Variants in GTPBP2 observed in about 807,000 individuals in gnomAD.
GTPBP2 encodes GTP-binding protein 2.
In GTPBP2, 32 loss-of-function variants were observed where a neutral mutation model predicts 63.0. The observed-to-expected ratio is 0.51, with a 90% CI of 0.38 to 0.68. The LOEUF (loss-of-function observed/expected upper bound fraction) is 0.68, where lower values mean the gene tolerates loss of function less well. Among genes scored for constraint, GTPBP2 ranks in the 30% least tolerant of loss-of-function variants. GTPBP2 has a pLI of 0.00. For missense variants in GTPBP2, 492 were observed against 796.9 expected (o/e 0.62, Z 4.61); for synonymous variants, 310 against 322.6 (o/e 0.96, Z 0.42).
At position 43,629,133 on chromosome 6, in the gene GTPBP2, G is replaced by T; in HGVS notation, c.30C>A (p.Gly10=). 5.7e-6 allele frequency: 8 copies of T among 1,396,230 alleles called. No individual in the cohort carries two copies. Among genetic ancestry groups the T allele is most frequent in the South Asian group, 1.3e-5 (1 of 79,034 alleles). The allele number at this position is 1,396,230 out of a possible 1,614,324, so 86.5% of individuals were successfully genotyped here. A position where few individuals can be genotyped will look rare whatever the true frequency, so the allele number is the denominator to read the frequency against. The change falls in exon 1 of 12, where the codon GGC becomes GGA. Residue 10 remains glycine (G), a synonymous_variant. Transcript: ENST00000307126. ...GGCCCCCTCCGGGCCGGCAGCAGCCGCCGAACAGCTCCGATACCCGCGAGT... is the reference window on the plus strand; with the variant it reads ...GGCCCCCTCCGGGCCGGCAGCAGCCTCCGAACAGCTCCGATACCCGCGAGT... MDSRVSELF[G]GCCRPGGGPA...
In GTPBP2 at chr6:43,622,183, C is replaced by A; in HGVS notation, c.1468-16G>T. 1 of 1,601,542 alleles carries A rather than the reference C, an allele frequency of 6.2e-7. No homozygotes were observed. Among genetic ancestry groups the A allele is most frequent in the South Asian group, 1.1e-5 (1 of 90,660 alleles). ...TCACCATGCCCTGGGGAGGAACAGACCCCAGGCCCAGGAAGGGCAGCTCTA... is the reference window on the plus strand; with the variant it reads ...TCACCATGCCCTGGGGAGGAACAGAACCCAGGCCCAGGAAGGGCAGCTCTA... On this transcript the variant is annotated splice_polypyrimidine_tract_variant and intron_variant, in intron 10 of 11. Transcript: ENST00000307126. The surrounding 1 kb of genome is among the most constrained non-coding windows in gnomAD (Gnocchi z 5.4).
In GTPBP2 at chr6:43,621,323, C is replaced by G. The variant is rs1036339374; in HGVS notation, c.*291G>C. 3.0e-6 allele frequency: 3 copies of G among 986,464 alleles called. No individual in the cohort carries two copies. In the Admixed American group the frequency reaches 6.5e-5, roughly 21 times the overall value. The allele number at this position is 986,464 out of a possible 1,614,324, so 61.1% of individuals were successfully genotyped here. Reference sequence around the variant, plus strand: ...GGGGACGAAGAATTGATGAGTGGATCCAGTCAGCTCCGGCAGACAGGCCAC... The same window carrying G: ...GGGGACGAAGAATTGATGAGTGGATGCAGTCAGCTCCGGCAGACAGGCCAC... On this transcript the variant is annotated 3_prime_UTR_variant, in exon 12 of 12. Coordinates refer to ENST00000307126, the MANE Select transcript of GTPBP2 (RefSeq NM_019096.5).
intron 1 of GTPBP2, chr6:43,628,492 GT>G: frequency 4.8e-6 from 4 of 834,616 alleles, no homozygotes; most frequent in Non-Finnish European, 4.3e-6. Context: ...GTGTGTGTGT[GT>G]GTGTGTGTGT....
Position 43,624,700 on chromosome 6 carries a change from C to A in GTPBP2, c.910G>T (p.Ala304Ser), listed in dbSNP as rs1769151407. 1 of 1,613,882 alleles carries A rather than the reference C, an allele frequency of 6.2e-7. No homozygotes were observed. Among genetic ancestry groups the A allele is most frequent in the South Asian group, 1.1e-5 (1 of 91,076 alleles). ...AAGAAGGGCACTTTCAGGGCCAGGG[C>A]CAGCCCCAGATGTTCCCTTGTGGTG... ...AGTTREHLGL[A>S]LALKVPFFIV... Residue 304 changes from alanine to serine, a missense_variant, in exon 7 of 12, where the codon GCC becomes TCC. Ala to Ser is a moderately conservative substitution (Grantham distance 99). Transcript: ENST00000307126. The surrounding 1 kb of genome is among the most constrained non-coding windows in gnomAD (Gnocchi z 5.1).
At position 43,620,528 on chromosome 6, in the gene GTPBP2, T is replaced by C; in HGVS notation, c.*1086A>G. ...ACATTTTTATTCTGTACAATATATATGTGTATTTAAATATATATACATATG... is the reference window on the plus strand; with the variant it reads ...ACATTTTTATTCTGTACAATATATACGTGTATTTAAATATATATACATATG... On this transcript the variant is annotated 3_prime_UTR_variant, in exon 12 of 12. Coordinates refer to ENST00000307126, the MANE Select transcript of GTPBP2 (RefSeq NM_019096.5). 4.7e-6 allele frequency: 1 copy of C among 212,790 alleles called. No individual in the cohort carries two copies. Among genetic ancestry groups the C allele is most frequent in the Non-Finnish European group, 9.6e-6 (1 of 104,606 alleles). 13.2% of individuals were successfully genotyped at this position (212,790 alleles called of 1,614,324 possible).
In GTPBP2 at chr6:43,621,629, G is replaced by A; in HGVS notation, c.1794C>T (p.Ala598=). Residue 598 remains alanine, a synonymous_variant, in exon 12 of 12, where the codon GCC becomes GCT. Transcript: ENST00000307126. The stretch of plus-strand genomic sequence containing the variant: ...CCTGAAGGGTTCAGAAGCCCATGTT[G>A]GCCTGGGCTTCTCCTGCTGTAATGG... The part of the protein sequence containing the change: ...VQAITAGEAQ[A]NMGF 1 of 1,613,934 alleles carries A rather than the reference G, an allele frequency of 6.2e-7. No individual in the cohort carries two copies. The highest frequency in any genetic ancestry group is 1.7e-5 in the Admixed American group (1 of 60,024).
chr6:43,621,937 G>T, intron 11 of GTPBP2, 66 bp downstream of exon 11: 1 of 1,601,082 alleles, frequency 6.2e-7, no homozygotes, highest in Non-Finnish European at 8.6e-7. Flanking sequence ...GGAGTTCTCT[G>T]CCAGTCTGGG....
At position 43,626,239 on chromosome 6, in the gene GTPBP2, G is replaced by A. The variant is rs1338859474; in HGVS notation, c.385C>T (p.Arg129Trp). The part of the protein sequence containing the change: ...EMRASLKTLH[R>W]MAEKVGADIT... ...GGGGAAGCATACTTCTCTGCCATCC[G>A]GTGCAGGGTCTTGAGCGAAGCTCGC... is the stretch of plus-strand genomic sequence containing the variant. Residue 129 changes from arginine (R) to tryptophan (W), a missense_variant, in exon 3 of 12, where the codon CGG becomes TGG. Transcript: ENST00000307126. This position sits in a 1 kb window ranked among gnomAD's most constrained non-coding sequence, Gnocchi z 4.0. 10 of 1,613,984 alleles carry A rather than the reference G, an allele frequency of 6.2e-6. No individual in the cohort carries two copies. The highest frequency in any genetic ancestry group is 1.7e-4 in the Middle Eastern group (1 of 6,012).
At chr6:43,628,393 T>C (rs547279654) in intron 1 of GTPBP2, 3 of 178,854 alleles carry the variant, frequency 1.7e-5, no homozygotes, top group African/African-American at 7.2e-5. Flanking sequence ...AATAAAAAAA[T>C]AAAATTGGCC....
chr6:43,621,052 G>T lies in GTPBP2; in HGVS notation c.*562C>A, dbSNP rs950201642. ...GATAAAGCTGAGGAAGAGGCCTCAGGCCTCAGCACAGGGTGGCAACACTAC... is the reference window on the plus strand; with the variant it reads ...GATAAAGCTGAGGAAGAGGCCTCAGTCCTCAGCACAGGGTGGCAACACTAC... On this transcript the variant is annotated 3_prime_UTR_variant, in exon 12 of 12. Transcript: ENST00000307126. 3 of 227,842 alleles carry T rather than the reference G, an allele frequency of 1.3e-5. No individual in the cohort carries two copies. Among genetic ancestry groups the T allele is most frequent in the Non-Finnish European group, 2.7e-5 (3 of 111,830 alleles). The allele number at this position is 227,842 out of a possible 1,614,324, so 14.1% of individuals were successfully genotyped here.
At position 43,626,143 on chromosome 6, in the gene GTPBP2, G is replaced by A; in HGVS notation, c.398+83C>T. 6 of 1,306,054 alleles carry A rather than the reference G, an allele frequency of 4.6e-6. No homozygotes were observed. The highest frequency in any genetic ancestry group is 6.5e-6 in the Non-Finnish European group (6 of 923,242). 80.9% of individuals were successfully genotyped at this position (1,306,054 alleles called of 1,614,324 possible). A position where few individuals can be genotyped will look rare whatever the true frequency, so the allele number is the denominator to read the frequency against. The stretch of plus-strand genomic sequence containing the variant: ...TCAAGAGAAGGAAAGTCCCACCTTG[G>A]CCCCTCAGGCCCTAGGTAACTGGGT... On this transcript the variant is annotated intron_variant, in intron 3 of 11. Coordinates refer to ENST00000307126, the MANE Select transcript of GTPBP2 (RefSeq NM_019096.5). The surrounding 1 kb of genome is among the most constrained non-coding windows in gnomAD (Gnocchi z 4.0).
chr6:43,630,438 G>A (rs1417664576), upstream of GTPBP2, among the ~76,000 whole-genome samples: 1 of 152,048 alleles, frequency 6.6e-6, no homozygotes, highest in African/African-American at 2.4e-5. Flanking sequence ...CTCATACACG[G>A]TCAAGAAATT....
upstream of GTPBP2, among the ~76,000 whole-genome samples, chr6:43,630,046 G>A (rs1051639276): frequency 6.6e-6 from 1 of 152,208 alleles, no homozygotes; most frequent in African/African-American, 2.4e-5. Context: ...GGGAAGAACT[G>A]AGTTTGGTTT....
Position 43,621,380 on chromosome 6 carries a change from G to A in GTPBP2, c.*234C>T. 1 of 1,505,314 alleles carries A rather than the reference G, an allele frequency of 6.6e-7. No individual in the cohort carries two copies. The highest frequency in any genetic ancestry group is 1.4e-5 in the African/African-American group (1 of 72,262). 93.2% of individuals were successfully genotyped at this position (1,505,314 alleles called of 1,614,324 possible). Reference sequence around the variant, plus strand: ...GCCAGGTTTGATGAGCCAACCAGGTGAGCACACAGCTTCGGAGCACTGCCC... The same window carrying A: ...GCCAGGTTTGATGAGCCAACCAGGTAAGCACACAGCTTCGGAGCACTGCCC... On this transcript the variant is annotated 3_prime_UTR_variant, in exon 12 of 12. Coordinates refer to ENST00000307126, the MANE Select transcript of GTPBP2 (RefSeq NM_019096.5).
chr6:43,622,315 ACT>A lies in GTPBP2; in HGVS notation c.1468-150_1468-149del, dbSNP rs1768807663. 1.4e-6 allele frequency: 1 copy of A among 704,656 alleles called. No individual in the cohort carries two copies. The highest frequency in any genetic ancestry group is 2.3e-6 in the Non-Finnish European group (1 of 431,456). The allele number at this position is 704,656 out of a possible 1,614,324, so 43.7% of individuals were successfully genotyped here. ...AAGACCTCAAAAGACAATAATCAAA[ACT>A]CTCAGAGGGAATGAGTCTTTACCCA... On this transcript the variant is annotated intron_variant, in intron 10 of 11. Coordinates refer to ENST00000307126, the MANE Select transcript of GTPBP2 (RefSeq NM_019096.5). This position sits in a 1 kb window ranked among gnomAD's most constrained non-coding sequence, Gnocchi z 5.4.
chr6:43,629,525 T>G, upstream of GTPBP2: 2 of 621,782 alleles, frequency 3.2e-6, no homozygotes, highest in Non-Finnish European at 5.7e-6. Flanking sequence ...CGCTATGTTC[T>G]TTTTCTAGGA....
Position 43,626,482 on chromosome 6 carries a change from TCTG to T in GTPBP2, c.214-75_214-73del. The T allele has an allele frequency of 8.1e-7, 1 of 1,240,884 alleles. No homozygotes were observed. The highest frequency in any genetic ancestry group is 1.2e-6 in the Non-Finnish European group (1 of 858,642). 76.9% of individuals were successfully genotyped at this position (1,240,884 alleles called of 1,614,324 possible). On this transcript the variant is annotated intron_variant, in intron 2 of 11. Coordinates refer to ENST00000307126, the MANE Select transcript of GTPBP2 (RefSeq NM_019096.5). The surrounding 1 kb of genome is among the most constrained non-coding windows in gnomAD (Gnocchi z 4.0). ...CCAAACCTACATGGTCCCCACCTGT[TCTG>T]CTGCAAGGACCAGGACTTTCTCTTT...
In GTPBP2 at chr6:43,621,037, A is replaced by T. The variant is rs568359730; in HGVS notation, c.*577T>A. The T allele has an allele frequency of 1.3e-4, 28 of 211,892 alleles. No individual in the cohort carries two copies. Among genetic ancestry groups the T allele is most frequent in the Non-Finnish European group, 2.6e-4 (27 of 102,562 alleles). The allele number at this position is 211,892 out of a possible 1,614,324, so 13.1% of individuals were successfully genotyped here. Reference sequence around the variant, plus strand: ...AGTGAAGGAAAGGGAGATAAAGCTGAGGAAGAGGCCTCAGGCCTCAGCACA... The same window carrying T: ...AGTGAAGGAAAGGGAGATAAAGCTGTGGAAGAGGCCTCAGGCCTCAGCACA... On this transcript the variant is annotated 3_prime_UTR_variant, in exon 12 of 12. Coordinates refer to ENST00000307126, the MANE Select transcript of GTPBP2 (RefSeq NM_019096.5).
upstream of GTPBP2, chr6:43,629,461 C>G (rs186051794): frequency 3.5e-6 from 2 of 568,636 alleles, no homozygotes; most frequent in Non-Finnish European, 3.1e-6. Context: ...GGGGAAGGAG[C>G]GCGCCTTGGC....
Sources: allele counts gnomAD v4.1 joint callset (sites outside exome capture counted in the v4.1 genomes callset), GRCh38; gene constraint gnomAD v4.1.1; non-coding constraint Gnocchi (gnomAD v3.1); transcripts MANE v1.5; gene names NCBI Gene and HGNC (gene_info 2026-07-23, HGNC 2026-07-21).